ACTR3C: variants seen among roughly 807,000 people sequenced by gnomAD.
ACTR3C encodes the protein actin-related protein 3C.
A neutral mutation model predicts 26.3 loss-of-function variants in ACTR3C; 18 were observed. The ratio of observed to expected loss-of-function variants is 0.68; its 90% CI spans 0.47 to 1.01. The LOEUF (loss-of-function observed/expected upper bound fraction) is 1.01, where lower values mean the gene tolerates loss of function less well. Among genes scored for constraint, ACTR3C ranks in the 50% least tolerant of loss-of-function variants. ACTR3C has a pLI of 0.00. For missense variants in ACTR3C, 184 were observed against 250.7 expected (o/e 0.73, Z 1.80); for synonymous variants, 55 against 94.5 (o/e 0.58, Z 2.42).
chr7:149,907,452 C>T, the ACTR3C span, among the ~76,000 whole-genome samples: 9 of 122,080 alleles, frequency 7.4e-5, no homozygotes, highest in African/African-American at 2.5e-4. Flanking sequence ...ACCTTGACTC[C>T]TGGGGCCTCT....
the ACTR3C span, among the ~76,000 whole-genome samples, chr7:150,210,383 TA>T: frequency 6.6e-6 from 1 of 151,016 alleles, no homozygotes; most frequent in Non-Finnish European, 1.5e-5. Flanking sequence ...TTACCCTACC[TA>T]AGTGAAGTGT....
At chr7:150,169,387 G>GGAA in the ACTR3C span, among the ~76,000 whole-genome samples, 1 of 32,366 alleles carries the variant, frequency 3.1e-5, no homozygotes, top group Non-Finnish European at 7.2e-5. Flanking sequence ...CATTTCAAAA[G>GGAA]GAAAAAAAAA....
At chr7:150,090,807 T>G in the ACTR3C span, among the ~76,000 whole-genome samples, 1 of 152,034 alleles carries the variant, frequency 6.6e-6, no homozygotes, top group Non-Finnish European at 1.5e-5. Flanking sequence ...AGAACATGGT[T>G]TCATACACGT....
At chr7:150,218,897 C>T in the ACTR3C span, among the ~76,000 whole-genome samples, 1 of 145,254 alleles carries the variant, frequency 6.9e-6, no homozygotes, top group Admixed American at 6.8e-5. Context: ...ATCAACTACT[C>T]TGTATTAAAA....
chr7:150,304,763 ACC>A (rs1384528016), intron 1 of ACTR3C, among the ~76,000 whole-genome samples: 42 of 150,626 alleles, frequency 2.8e-4, no homozygotes, highest in Non-Finnish European at 5.8e-4. Flanking sequence ...CATCAATTCT[ACC>A]TCCTGTATAT....
At chr7:149,891,112 A>G in the ACTR3C span, 5 of 530,532 alleles carry the variant, frequency 9.4e-6, no homozygotes, top group Non-Finnish European at 1.8e-5. Context: ...AAAACGCCCT[A>G]GAAAAGAATA....
At chr7:150,168,498 G>A in the ACTR3C span, among the ~76,000 whole-genome samples, 20 of 150,862 alleles carry the variant, frequency 1.3e-4, 2 homozygotes, top group African/African-American at 4.7e-4. Flanking sequence ...ATGGTGAGTT[G>A]TATAATTCTT....
the ACTR3C span, among the ~76,000 whole-genome samples, chr7:149,909,341 C>A: frequency 7.0e-6 from 1 of 142,842 alleles, no homozygotes; most frequent in Non-Finnish European, 1.5e-5. Context: ...AGTTACTAAG[C>A]TAACAGACTG....
At chr7:150,286,333 C>T in intron 5 of ACTR3C, 34 bp downstream of exon 5, 1 of 1,607,286 alleles carries the variant, frequency 6.2e-7, no homozygotes, top group Non-Finnish European at 8.5e-7. Context: ...CGCTCCATCC[C>T]ACACTTGAGC....
the ACTR3C span, among the ~76,000 whole-genome samples, chr7:150,015,650 T>C: frequency 6.6e-6 from 1 of 152,174 alleles, no homozygotes; most frequent in Non-Finnish European, 1.5e-5. Flanking sequence ...AACAAGCTAT[T>C]ACCACGCTCT....
rs190116163 is a variant in ACTR3C at position 150,281,514 on chromosome 7, C to T, written c.564+3239G>A. Among the ~76,000 whole-genome samples the T allele has an allele frequency of 9.9e-5, 15 of 151,400 alleles. No individual in the cohort carries two copies. In the East Asian group the frequency reaches 2.9e-3, roughly 29 times the overall value. ...TACTCCATCCCACACAGCGAGAGTC[C>T]GTCTGGGAGGGCTGACGGCTTCCAG... On this transcript the variant is annotated intron_variant, in intron 6 of 7. Transcript: ENST00000683684.
the ACTR3C span, among the ~76,000 whole-genome samples, chr7:150,113,256 A>C: frequency 6.6e-6 from 1 of 152,010 alleles, no homozygotes; most frequent in Admixed American, 6.6e-5. Flanking sequence ...AAAAAAAAAA[A>C]AAAAATGGTT....
chr7:149,919,396 A>C, the ACTR3C span, among the ~76,000 whole-genome samples: 9 of 150,876 alleles, frequency 6.0e-5, no homozygotes, highest in Non-Finnish European at 8.9e-5. Context: ...ATCCACCACC[A>C]TGCCCAGCTA....
the ACTR3C span, among the ~76,000 whole-genome samples, chr7:150,039,353 G>C: frequency 6.8e-6 from 1 of 146,458 alleles, no homozygotes; most frequent in Non-Finnish European, 1.5e-5. Context: ...ACCCTCGTGG[G>C]GTTGCCTCCC....
the ACTR3C span, among the ~76,000 whole-genome samples, chr7:149,928,957 C>T: frequency 3.3e-5 from 5 of 152,264 alleles, no homozygotes; most frequent in South Asian, 2.1e-4. Context: ...ACAATGAGGA[C>T]GGCATAATGG....
intron 1 of ACTR3C, chr7:150,322,525 C>T (rs1296065981): frequency 6.6e-6 from 1 of 152,250 alleles, no homozygotes; most frequent in Non-Finnish European, 1.5e-5. Flanking sequence ...CGCCATGACA[C>T]CATCATGAAA....
chr7:150,035,992 C>CG, the ACTR3C span, among the ~76,000 whole-genome samples: 2 of 100,418 alleles, frequency 2.0e-5, no homozygotes, highest in African/African-American at 4.1e-5. Context: ...CCCTGCCTCG[C>CG]GGGGGGTGCC....
At chr7:149,938,962 T>C in the ACTR3C span, among the ~76,000 whole-genome samples, 1 of 146,260 alleles carries the variant, frequency 6.8e-6, no homozygotes, top group Non-Finnish European at 1.5e-5. Flanking sequence ...TATAAAAATA[T>C]ATTATATACA....
the ACTR3C span, among the ~76,000 whole-genome samples, chr7:150,225,496 G>T: frequency 0.022 from 3,390 of 152,248 alleles, 46 homozygotes; most frequent in Middle Eastern, 0.037. Context: ...TCGTTGTTCA[G>T]TTCTACTCTA....
Sources: allele counts gnomAD v4.1 joint callset (sites outside exome capture counted in the v4.1 genomes callset), GRCh38; gene constraint gnomAD v4.1.1; transcripts MANE v1.5; gene names NCBI Gene and HGNC (gene_info 2026-07-23, HGNC 2026-07-21).